AGR3: variants seen among roughly 807,000 people sequenced by gnomAD.
AGR3 encodes the protein anterior gradient 3, protein disulphide isomerase family member, also known as anterior gradient protein 3.
AGR3 carries 37 observed loss-of-function variants against 24.5 expected under a neutral mutation model. That is an observed-to-expected ratio of 1.51 (90% CI 1.16 to 1.99). AGR3 has a LOEUF of 1.99. Among genes scored for constraint, AGR3 ranks in the 30% most tolerant of loss-of-function variants. The pLI is 0.00. For missense variants in AGR3, 228 were observed against 191.1 expected, an observed-to-expected ratio of 1.19 and a Z score of -1.14; for synonymous variants, 75 against 61.6, an observed-to-expected ratio of 1.22 and a Z score of -1.02.
At chr7:16,864,729 C>T (rs1443501321) in intron 3 of AGR3, 41 of 1,473,902 alleles carry the variant, frequency 2.8e-5, no homozygotes, top group South Asian at 7.9e-5. Flanking sequence ...GAAACCACTG[C>T]GGTGTGTGCG....
chr7:16,867,032 A>T (rs4512295), intron 3 of AGR3, among the ~76,000 whole-genome samples: 117,183 of 151,986 alleles, frequency 0.77, 47,612 homozygotes, highest in Non-Finnish European at 0.92. Context: ...CATCTACAGG[A>T]CTAAAATTAG....
intron 3 of AGR3, among the ~76,000 whole-genome samples, chr7:16,863,926 A>G (rs1781699097): frequency 6.6e-6 from 1 of 152,088 alleles, no homozygotes; most frequent in South Asian, 2.1e-4. Context: ...GTTCATATTT[A>G]CAGCCCCCCA....
At chr7:16,879,587 T>C (rs573699389) in intron 1 of AGR3, among the ~76,000 whole-genome samples, 2 of 152,334 alleles carry the variant, frequency 1.3e-5, no homozygotes, top group African/African-American at 4.8e-5. Flanking sequence ...ATCATTCACA[T>C]TGATTTGAAG....
downstream of AGR3, among the ~76,000 whole-genome samples, chr7:16,855,722 A>G (rs945219679): frequency 6.6e-6 from 1 of 152,220 alleles, no homozygotes; most frequent in Admixed American, 6.5e-5. Context: ...GTTCATGAAT[A>G]TACATATTGC....
rs10242737 is a variant in AGR3, at chr7:16,862,084, A to C, written c.227-24T>G. On this transcript the variant is annotated intron_variant, in intron 4 of 7. Coordinates refer to ENST00000310398, the MANE Select transcript of AGR3 (RefSeq NM_176813.5). ...TGCTATAGGGGAAAACAAAATTGCC[A>C]GTTAGTTTTAAGGATCAAGAGACCT... The C allele has an allele frequency of 0.01, 16,424 of 1,574,714 alleles. 1,201 individuals are homozygous for C. In the African/African-American group the frequency reaches 0.17, roughly 17 times the overall value.
intron 2 of AGR3, among the ~76,000 whole-genome samples, chr7:16,877,332 A>G (rs1488709641): frequency 1.4e-5 from 2 of 147,692 alleles, no homozygotes; most frequent in Admixed American, 6.8e-5. Context: ...GTATGTTATA[A>G]TTATATATAT....
At chr7:16,860,216 G>A (rs1781613776) in intron 7 of AGR3, among the ~76,000 whole-genome samples, 1 of 152,198 alleles carries the variant, frequency 6.6e-6, no homozygotes, top group African/African-American at 2.4e-5. Context: ...TTGATACTAG[G>A]AGAATGGACT....
intron 5 of AGR3, 44 bp from the exon 6 acceptor site, chr7:16,861,491 T>C (rs754830959): frequency 6.6e-7 from 1 of 1,508,326 alleles, no homozygotes; most frequent in Non-Finnish European, 9.1e-7. Flanking sequence ...GATTCATTTG[T>C]TTTTGATAGT....
chr7:16,875,429 G>T (rs1457964254), intron 2 of AGR3, among the ~76,000 whole-genome samples: 1 of 151,984 alleles, frequency 6.6e-6, no homozygotes, highest in East Asian at 1.9e-4. Context: ...ATAGTGCCAT[G>T]TATTATTATT....
intron 3 of AGR3, chr7:16,864,497 C>G: frequency 7.9e-7 from 1 of 1,258,420 alleles, no homozygotes; most frequent in Non-Finnish European, 1.2e-6. Flanking sequence ...ATTCCATGTT[C>G]CCTGTCAGTC....
chr7:16,881,758 TATAA>T (rs1411427810), intron 1 of AGR3, among the ~76,000 whole-genome samples, 182 bp downstream of exon 1: 1 of 151,984 alleles, frequency 6.6e-6, no homozygotes, highest in Non-Finnish European at 1.5e-5. Flanking sequence ...ATACCATTAA[TATAA>T]ATAGAGATAA....
intron 1 of AGR3, 57 bp downstream of exon 1, chr7:16,881,887 T>G: frequency 2.1e-6 from 1 of 470,552 alleles, no homozygotes; most frequent in Non-Finnish European, 4.4e-6. Context: ...AGGTGATTAT[T>G]TAAATATAGC....
At chr7:16,860,371 G>T in intron 7 of AGR3, 129 bp downstream of exon 7, 1 of 672,786 alleles carries the variant, frequency 1.5e-6, no homozygotes, top group Non-Finnish European at 2.6e-6. Context: ...GCTAGAAGTT[G>T]GCATTTAAAC....
At chr7:16,875,487 A>G (rs932394149) in intron 2 of AGR3, among the ~76,000 whole-genome samples, 2 of 152,118 alleles carry the variant, frequency 1.3e-5, no homozygotes, top group Non-Finnish European at 2.9e-5. Context: ...TGAATATACC[A>G]TATTTTATTT....
chr7:16,857,360 C>A (rs1022966616), downstream of AGR3, among the ~76,000 whole-genome samples: 3 of 151,988 alleles, frequency 2.0e-5, no homozygotes, highest in African/African-American at 7.2e-5. Flanking sequence ...TTACAAAGAA[C>A]AATTTATCAT....
rs969829872 is a variant in AGR3, at chr7:16,862,495, A to AT, written c.226+114dup. 492 of 550,096 alleles carry AT rather than the reference A, an allele frequency of 8.9e-4. 1 individual carries two copies. Among genetic ancestry groups the AT allele is most frequent in the Middle Eastern group, 1.6e-3 (3 of 1,894 alleles). The allele number at this position is 550,096 out of a possible 1,614,324, so 34.1% of individuals were successfully genotyped here. On this transcript the variant is annotated intron_variant, in intron 4 of 7. Coordinates refer to ENST00000310398, the MANE Select transcript of AGR3 (RefSeq NM_176813.5). ...AATGATGGTACTCTGGCAGTTGTCT[A>AT]TTTTTTTTAATGGGATTTGCTGAGC...
chr7:16,880,470 CTCCCCTCCTTTCCCCTCCTT>C (rs200216546), intron 1 of AGR3, among the ~76,000 whole-genome samples: 30 of 47,682 alleles, frequency 6.3e-4, no homozygotes, highest in Admixed American at 6.2e-3. Context: ...CTCCTTTCCT[CTCCCCTCCTTTCCCCTCCTT>C]TCCCCTCCTT....
intron 1 of AGR3, among the ~76,000 whole-genome samples, chr7:16,880,120 C>T (rs1782080283): frequency 6.8e-6 from 1 of 146,012 alleles, no homozygotes; most frequent in African/African-American, 2.5e-5. Flanking sequence ...TCCTTCCTTC[C>T]TTCCTTCCTC....
chr7:16,865,461 G>C, intron 3 of AGR3: 2 of 776,888 alleles, frequency 2.6e-6, no homozygotes, highest in South Asian at 1.4e-5. Context: ...ACTAATATTT[G>C]AGGTAGAATG....
Sources: gnomAD v4.1 joint callset for allele counts (sites outside exome capture counted in the v4.1 genomes callset) on GRCh38, gnomAD v4.1.1 for gene constraint, MANE v1.5 for transcripts, NCBI Gene and HGNC (gene_info 2026-07-23, HGNC 2026-07-21) for gene names.